Variants in PROX1 observed in about 807,000 individuals in gnomAD.
PROX1 encodes prospero homeobox protein 1.
Under a neutral mutation model 58.8 loss-of-function variants are expected in PROX1, and 7 were observed. That is an observed-to-expected ratio of 0.12 (90% CI 0.07 to 0.22). The LOEUF is 0.22. Ranked by LOEUF, PROX1 falls within the 10% of genes least tolerant of loss-of-function variation. The probability of loss-of-function intolerance (pLI) is 1.00; values close to 1 mark genes in which losing one functional copy is unlikely to be tolerated. For synonymous variants in PROX1, 350 were observed against 358.3 expected, an observed-to-expected ratio of 0.98 and a Z score of 0.26; for missense variants, 675 against 927.8, an observed-to-expected ratio of 0.73 and a Z score of 3.54.
At chr1:214,003,110 G>T (rs1663582015) in intron 2 of PROX1, among the ~76,000 whole-genome samples, 2 of 152,036 alleles carry the variant, frequency 1.3e-5, no homozygotes, top group Admixed American at 1.3e-4. Context: ...ACTTTTTTTA[G>T]ATAAAAAGAA....
intron 4 of PROX1, among the ~76,000 whole-genome samples, chr1:214,032,514 C>A (rs775775377): frequency 6.6e-6 from 1 of 152,114 alleles, no homozygotes; most frequent in Non-Finnish European, 1.5e-5. Context: ...CTCACCTCCA[C>A]CTCCCAGTAG....
At chr1:214,021,781 A>T (rs1434184093) in intron 4 of PROX1, among the ~76,000 whole-genome samples, 1 of 152,070 alleles carries the variant, frequency 6.6e-6, no homozygotes, top group African/African-American at 2.4e-5. Context: ...AGCTGATCAG[A>T]CTCTTGGCAA....
chr1:214,031,070 C>CGT, intron 4 of PROX1, among the ~76,000 whole-genome samples: 4 of 145,068 alleles, frequency 2.8e-5, no homozygotes, highest in Non-Finnish European at 1.5e-5. Flanking sequence ...TGTGTGTGCG[C>CGT]GCGCGCGCAT....
rs1267248612 is a variant in PROX1 at position 214,039,229 on chromosome 1, C to G, written c.*3395C>G. The G allele has an allele frequency of 6.6e-6, 1 of 152,098 alleles. No individual in the cohort carries two copies. The highest frequency in any genetic ancestry group is 1.5e-5 in the Non-Finnish European group (1 of 68,010). The allele number at this position is 152,098 out of a possible 1,614,324, so 9.4% of individuals were successfully genotyped here. On this transcript the variant is annotated 3_prime_UTR_variant, in exon 5 of 5. Coordinates refer to ENST00000366958, the MANE Select transcript of PROX1 (RefSeq NM_001270616.2). ...TCTATTTGCAACAAAACATTTAATT[C>G]TTACTGTATCTCTGGCTGTTTAATG... is the stretch of plus-strand genomic sequence containing the variant.
At chr1:214,013,527 A>G (rs1390014286) in intron 4 of PROX1, among the ~76,000 whole-genome samples, 1 of 152,158 alleles carries the variant, frequency 6.6e-6, no homozygotes, top group Non-Finnish European at 1.5e-5. Flanking sequence ...CATTTTTGCT[A>G]TATAAAATAC....
In PROX1 at chr1:213,989,718, G is replaced by C. The variant is rs1166851572; in HGVS notation, c.-68+1235G>C. 2.0e-5 allele frequency: 3 copies of C among 152,648 alleles called. 1 individual carries two copies. Among genetic ancestry groups the C allele is most frequent in the South Asian group, 4.1e-4 (2 of 4,826 alleles). The allele number at this position is 152,648 out of a possible 1,614,324, so 9.5% of individuals were successfully genotyped here. A position where few individuals can be genotyped will look rare whatever the true frequency, so the allele number is the denominator to read the frequency against. On this transcript the variant is annotated intron_variant, in intron 1 of 4. Coordinates refer to ENST00000366958, the MANE Select transcript of PROX1 (RefSeq NM_001270616.2). ...GTTGATTCTTCTGGTGTGCCAGCCC[G>C]TTACTCCCCCTGCTGAAGCTGAAGG...
chr1:214,004,805 T>C (rs1663648348), intron 2 of PROX1, among the ~76,000 whole-genome samples: 1 of 152,206 alleles, frequency 6.6e-6, no homozygotes. Context: ...AAACCTCTTA[T>C]GACAAGAGTT....
rs1474730012 is a variant in PROX1 at position 214,035,968 on chromosome 1, TTCC to T, written c.*140_*142del. ...GATATGTTATGAAATCAGCTGGTAA[TTCC>T]TCCTCATCACGTTTCTCTCATTTTC... On this transcript the variant is annotated 3_prime_UTR_variant, in exon 5 of 5. Transcript: ENST00000366958. The T allele has an allele frequency of 3.0e-6, 2 of 660,802 alleles. No individual in the cohort carries two copies. Among genetic ancestry groups the T allele is most frequent in the Non-Finnish European group, 4.6e-6 (2 of 439,320 alleles). The allele number at this position is 660,802 out of a possible 1,614,324, so 40.9% of individuals were successfully genotyped here. A position where few individuals can be genotyped will look rare whatever the true frequency, so the allele number is the denominator to read the frequency against.
upstream of PROX1, chr1:213,983,387 G>A (rs1366026126): frequency 6.5e-6 from 1 of 152,714 alleles, no homozygotes; most frequent in Admixed American, 6.5e-5. Flanking sequence ...GAAGGCAGCA[G>A]GCGGCCACAC....
chr1:213,988,594 G>T (rs1273732940), intron 1 of PROX1, 111 bp downstream of exon 1: 1 of 152,126 alleles, frequency 6.6e-6, no homozygotes, highest in African/African-American at 2.4e-5. Context: ...ACTCAGACCC[G>T]TGTAAACATT....
chr1:213,992,804 G>T (rs1306742896), intron 1 of PROX1, among the ~76,000 whole-genome samples: 1 of 152,136 alleles, frequency 6.6e-6, no homozygotes, highest in East Asian at 1.9e-4. Context: ...AGTAAAAGTT[G>T]AATCCTCCTC....
chr1:214,013,606 T>G (rs1043955408), intron 4 of PROX1, among the ~76,000 whole-genome samples: 1 of 152,140 alleles, frequency 6.6e-6, no homozygotes, highest in Non-Finnish European at 1.5e-5. Flanking sequence ...TGGTTGGAAT[T>G]TAATCCGCTA....
intron 1 of PROX1, among the ~76,000 whole-genome samples, chr1:213,990,880 C>A (rs1367378987): frequency 1.3e-5 from 2 of 152,084 alleles, no homozygotes; most frequent in Non-Finnish European, 2.9e-5. Context: ...TAAATAATCT[C>A]ATAAAGTAGA....
intron 2 of PROX1, among the ~76,000 whole-genome samples, chr1:214,000,175 C>G (rs1193416449): frequency 1.3e-5 from 2 of 152,142 alleles, no homozygotes; most frequent in Non-Finnish European, 2.9e-5. Flanking sequence ...CTCTTTAGTT[C>G]AAGATGCCAG....
chr1:213,997,233 G>A lies in PROX1; in HGVS notation c.698G>A (p.Arg233Gln). The part of the protein sequence containing the change: ...QLVSARKEQK[R>Q]EERRQLKQQL... Reference sequence around the variant, plus strand: ...GTTTCAGCCCGAAAAGAACAGAAGCGAGAGGAGCGCCGACAGCTGAAACAG... The same window carrying A: ...GTTTCAGCCCGAAAAGAACAGAAGCAAGAGGAGCGCCGACAGCTGAAACAG... Residue 233 changes from arginine to glutamine, a missense_variant, in exon 2 of 5, where the codon CGA (arginine) becomes CAA (glutamine). By Grantham distance (43) the Arg-to-Gln change is conservative (BLOSUM62 1). This residue lies in a region of PROX1 where 403 missense variants were observed against 477.4 expected (regional missense o/e 0.84). Transcript: ENST00000366958. The surrounding 1 kb of genome is among the most constrained non-coding windows in gnomAD (Gnocchi z 7.1). The A allele has an allele frequency of 1.2e-6, 2 of 1,612,906 alleles. No homozygotes were observed. The highest frequency in any genetic ancestry group is 1.3e-5 in the African/African-American group (1 of 74,892).
At position 214,002,394 on chromosome 1, in the gene PROX1, C is replaced by CT. The variant is rs372752239; in HGVS notation, c.1726-2761dup. Among the ~76,000 whole-genome samples the CT allele has an allele frequency of 2.9e-3, 368 of 128,930 alleles. 1 individual carries two copies. Among genetic ancestry groups the CT allele is most frequent in the African/African-American group, 9.1e-3 (310 of 34,200 alleles). 84.6% of individuals were successfully genotyped at this position (128,930 alleles called of 152,430 possible). On this transcript the variant is annotated intron_variant, in intron 2 of 4. Transcript: ENST00000366958. Reference sequence around the variant, plus strand: ...TTAATTTATGGATTTATCATCTTTTCTTTTTTTTTTCTTTTTTCTTTTTTT... The same window carrying CT: ...TTAATTTATGGATTTATCATCTTTTCTTTTTTTTTTTCTTTTTTCTTTTTTT...
intron 4 of PROX1, among the ~76,000 whole-genome samples, chr1:214,017,738 G>T (rs1571830138): frequency 6.6e-6 from 1 of 152,074 alleles, no homozygotes; most frequent in African/African-American, 2.4e-5. Context: ...CCCAACAGGC[G>T]AAGCCATTTA....
Position 214,036,333 on chromosome 1 carries a change from C to T in PROX1, c.*499C>T, listed in dbSNP as rs997910350. On this transcript the variant is annotated 3_prime_UTR_variant, in exon 5 of 5. Transcript: ENST00000366958. ...GTATTTTGTTTGGTTTGAACTCAAT[C>T]AGTAGCTTTTCCTTACATGTTTAAA... is the stretch of plus-strand genomic sequence containing the variant. 3 of 152,198 alleles carry T rather than the reference C, an allele frequency of 2.0e-5. No individual in the cohort carries two copies. The highest frequency in any genetic ancestry group is 7.2e-5 in the African/African-American group (3 of 41,458). 9.4% of individuals were successfully genotyped at this position (152,198 alleles called of 1,614,324 possible).
At position 213,997,204 on chromosome 1, in the gene PROX1, G is replaced by A; in HGVS notation, c.669G>A (p.Gln223=). 6.2e-7 allele frequency: 1 copy of A among 1,612,816 alleles called. No homozygotes were observed. Among genetic ancestry groups the A allele is most frequent in the Non-Finnish European group, 8.5e-7 (1 of 1,179,650 alleles). The change falls in exon 2 of 5, where the codon CAG becomes CAA. Residue 223 remains glutamine, a synonymous_variant. Transcript: ENST00000366958. This position sits in a 1 kb window ranked among gnomAD's most constrained non-coding sequence, Gnocchi z 7.1. Reference sequence around the variant, plus strand: ...AGCAGCAGCAACAGAGTTTCCAGCAGCTGGTTTCAGCCCGAAAAGAACAGA... The same window carrying A: ...AGCAGCAGCAACAGAGTTTCCAGCAACTGGTTTCAGCCCGAAAAGAACAGA... The part of the protein sequence containing the change: ...LPQQQQQSFQ[Q]LVSARKEQKR...
Sources: gnomAD v4.1 joint callset for allele counts (sites outside exome capture counted in the v4.1 genomes callset) on GRCh38, gnomAD v4.1.1 for gene constraint, gnomAD v4.1.1 regional missense constraint, Gnocchi (gnomAD v3.1) non-coding constraint, MANE v1.5 for transcripts, NCBI Gene and HGNC (gene_info 2026-07-23, HGNC 2026-07-21) for gene names.